Variants in PCLO observed in about 807,000 individuals in gnomAD.
The protein encoded by PCLO is piccolo presynaptic cytomatrix protein.
In PCLO, 82 loss-of-function variants were observed where a neutral mutation model predicts 427.5. That is an observed-to-expected ratio of 0.19 (90% CI 0.16 to 0.23). The LOEUF is 0.23. PCLO is among the 10% of genes least tolerant of loss of function. The probability of loss-of-function intolerance (pLI) is 1.00; values close to 1 mark genes in which losing one functional copy is unlikely to be tolerated. For missense variants in PCLO, 6,239 were observed against 6,115.9 expected (o/e 1.02, Z -0.67); for synonymous variants, 2,357 against 2,155.4 (o/e 1.09, Z -2.59).
At chr7:83,111,405 C>A (rs1323883417) in intron 3 of PCLO, among the ~76,000 whole-genome samples, 1 of 152,182 alleles carries the variant, frequency 6.6e-6, no homozygotes, top group African/African-American at 2.4e-5. Context: ...TCCAATTAGG[C>A]TAAATCTAAT....
At chr7:82,848,095 C>T (rs974797819) in intron 10 of PCLO, among the ~76,000 whole-genome samples, 1 of 151,870 alleles carries the variant, frequency 6.6e-6, no homozygotes, top group African/African-American at 2.4e-5. Context: ...TATTTTACAT[C>T]TAGCTCCTTT....
chr7:82,937,014 G>T (rs141944694), intron 6 of PCLO, among the ~76,000 whole-genome samples: 1 of 151,724 alleles, frequency 6.6e-6, no homozygotes, highest in African/African-American at 2.4e-5. Flanking sequence ...GAAAGTAATG[G>T]CTGAATGGGT....
chr7:83,034,789 G>A (rs1173114459), intron 3 of PCLO, among the ~76,000 whole-genome samples: 1 of 152,128 alleles, frequency 6.6e-6, no homozygotes, highest in East Asian at 1.9e-4. Flanking sequence ...ATTTAAAGCT[G>A]AGGCAATCAT....
At chr7:83,149,962 C>T (rs1046879232) in intron 2 of PCLO, among the ~76,000 whole-genome samples, 4 of 151,794 alleles carry the variant, frequency 2.6e-5, no homozygotes, top group Admixed American at 2.0e-4. Context: ...CTGGCTTCTG[C>T]CAAAAGACTT....
intron 14 of PCLO, among the ~76,000 whole-genome samples, chr7:82,840,413 T>C (rs1307630468): frequency 2.0e-5 from 3 of 152,118 alleles, no homozygotes; most frequent in Admixed American, 1.3e-4. Flanking sequence ...ATAATATTTC[T>C]TGTAGGTCAC....
In PCLO at chr7:82,950,916, C is replaced by A; in HGVS notation, c.9672G>T (p.Glu3224Asp). Reference protein sequence around the residue: ...LDLERELLELEKIKQQRFAEE... With the variant: ...LDLERELLELDKIKQQRFAEE... The stretch of plus-strand genomic sequence containing the variant: ...CAGCAAAGCGCTGTTGCTTAATTTT[C>A]TCCAGTTCCAGGAGCTCACGCTCCA... The change falls in exon 6 of 25, where the codon GAG becomes GAT. Residue 3224 changes from glutamate (E) to aspartate (D), a missense_variant. Transcript: ENST00000333891. The A allele has an allele frequency of 6.2e-7, 1 of 1,613,444 alleles. No homozygotes were observed.
At chr7:82,940,372 C>G (rs1795053115) in intron 6 of PCLO, among the ~76,000 whole-genome samples, 1 of 152,068 alleles carries the variant, frequency 6.6e-6, no homozygotes, top group Admixed American at 6.6e-5. Flanking sequence ...GATGTTGACT[C>G]CTTGATGAAG....
At chr7:83,039,610 A>G (rs534289639) in intron 3 of PCLO, among the ~76,000 whole-genome samples, 7 of 152,238 alleles carry the variant, frequency 4.6e-5, no homozygotes, top group Middle Eastern at 3.4e-3. Context: ...GCTTTGTAGT[A>G]AGTTTTGAAA....
At chr7:83,028,423 G>A (rs1399778640) in intron 3 of PCLO, among the ~76,000 whole-genome samples, 1 of 144,178 alleles carries the variant, frequency 6.9e-6, no homozygotes, top group Non-Finnish European at 1.5e-5. Flanking sequence ...CCTCTTCAAG[G>A]AGAACTACAA....
At position 82,966,040 on chromosome 7, in the gene PCLO, G is replaced by C; in HGVS notation, c.3748C>G (p.Pro1250Ala). The C allele has an allele frequency of 6.2e-7, 1 of 1,613,358 alleles. No individual in the cohort carries two copies. The highest frequency in any genetic ancestry group is 1.3e-5 in the African/African-American group (1 of 74,894). ...TCTGGGGCTGATGTTTTTGCCTCTG[G>C]GAGTAGCTTTTTGTCTTCAGGGGTT... ...KPTPEDKKLL[P>A]EAKTSAPEEQ... The change falls in exon 4 of 25, where the codon CCA becomes GCA. Residue 1250 changes from proline (P) to alanine (A), a missense_variant. Physicochemically the swap from Pro to Ala is conservative, Grantham distance 27 (BLOSUM62 -1). Transcript: ENST00000333891.
intron 10 of PCLO, among the ~76,000 whole-genome samples, chr7:82,855,062 T>A (rs551099166): frequency 1.3e-5 from 2 of 152,114 alleles, no homozygotes; most frequent in Non-Finnish European, 2.9e-5. Flanking sequence ...TTTACTCACA[T>A]ATCTAAAATA....
intron 3 of PCLO, among the ~76,000 whole-genome samples, chr7:83,026,124 TG>T (rs1187810054): frequency 6.6e-6 from 1 of 151,748 alleles, no homozygotes; most frequent in Admixed American, 6.6e-5. Context: ...TAAATGTAAA[TG>T]GACTAAATGC....
At chr7:82,855,307 G>A (rs1792774090) in intron 10 of PCLO, among the ~76,000 whole-genome samples, 1 of 152,030 alleles carries the variant, frequency 6.6e-6, no homozygotes, top group Admixed American at 6.6e-5. Flanking sequence ...ACACCTAAGA[G>A]GTGATATAAC....
chr7:82,967,961 C>G (rs992911617), intron 3 of PCLO, among the ~76,000 whole-genome samples: 1 of 152,192 alleles, frequency 6.6e-6, no homozygotes, highest in Non-Finnish European at 1.5e-5. Flanking sequence ...TGCTGGCTCA[C>G]TCTTTCTAGT....
rs1795417750 is a variant in PCLO, at chr7:82,953,539, C to T, written c.7414G>A (p.Gly2472Arg). ...LETTAVLRSNGLPVTRICTTA... is the reference protein window; with the variant it reads ...LETTAVLRSNRLPVTRICTTA... ...GTACATATTCTTGTAACAGGTAATC[C>T]ATTACTTCTCAGAACAGCTGTGGTC... Residue 2472 changes from glycine to arginine, a missense_variant, in exon 5 of 25, where the codon GGA (glycine) becomes AGA (arginine). Around this residue, in one of 5 missense-constraint regions of PCLO, gnomAD observed 4,677 missense variants for 4,468.4 expected, o/e 1.05. Coordinates refer to ENST00000333891, the MANE Select transcript of PCLO (RefSeq NM_033026.6). 1 of 1,613,032 alleles carries T rather than the reference C, an allele frequency of 6.2e-7. No homozygotes were observed. The highest frequency in any genetic ancestry group is 8.5e-7 in the Non-Finnish European group (1 of 1,179,422).
chr7:82,875,095 G>A (rs1174395180), intron 10 of PCLO, among the ~76,000 whole-genome samples: 1 of 152,148 alleles, frequency 6.6e-6, no homozygotes, highest in African/African-American at 2.4e-5. Context: ...TCTCTGTCCA[G>A]TATTTGTGGT....
intron 3 of PCLO, among the ~76,000 whole-genome samples, chr7:82,983,141 C>T (rs1301409083): frequency 6.6e-6 from 1 of 151,238 alleles, no homozygotes; most frequent in East Asian, 1.9e-4. Flanking sequence ...CTCATAATTA[C>T]TCTTTATTCA....
At chr7:82,770,970 A>G (rs896035687) in intron 22 of PCLO, among the ~76,000 whole-genome samples, 4 of 152,000 alleles carry the variant, frequency 2.6e-5, no homozygotes, top group African/African-American at 7.2e-5. Context: ...TCTTACTTCT[A>G]CAGAACATTT....
intron 3 of PCLO, among the ~76,000 whole-genome samples, chr7:83,048,547 T>C (rs1200605211): frequency 1.3e-5 from 2 of 152,058 alleles, no homozygotes; most frequent in Non-Finnish European, 2.9e-5. Flanking sequence ...ATCAGGCAAT[T>C]ACAATATTTT....
Sources: allele counts gnomAD v4.1 joint callset (sites outside exome capture counted in the v4.1 genomes callset), GRCh38; gene constraint gnomAD v4.1.1; regional missense constraint gnomAD v4.1.1; transcripts MANE v1.5; gene names NCBI Gene and HGNC (gene_info 2026-07-23, HGNC 2026-07-21).